The following DOCK3 variants were observed in gnomAD, a reference collection of about 807,000 sequenced individuals.
DOCK3 encodes dedicator of cytokinesis protein 3.
In DOCK3, 60 loss-of-function variants were observed where a neutral mutation model predicts 265.6. The observed-to-expected ratio is 0.23, with a 90% CI of 0.18 to 0.28. The LOEUF is 0.28. Among genes scored for constraint, DOCK3 ranks in the 10% least tolerant of loss-of-function variants. The pLI is 1.00. For missense variants in DOCK3, 1,981 were observed against 2,594.3 expected (o/e 0.76, Z 5.14); for synonymous variants, 881 against 938.0 (o/e 0.94, Z 1.11).
intron 5 of DOCK3, among the ~76,000 whole-genome samples, chr3:51,006,781 A>G (rs1176947092): frequency 6.6e-6 from 1 of 151,816 alleles, no homozygotes; most frequent in Non-Finnish European, 1.5e-5. Flanking sequence ...TGCTCCCCCT[A>G]CCCCACAACA....
chr3:51,175,554 A>G (rs954516495), intron 12 of DOCK3, among the ~76,000 whole-genome samples: 9 of 152,124 alleles, frequency 5.9e-5, no homozygotes, highest in Non-Finnish European at 1.0e-4. Flanking sequence ...ATCTTCAGTC[A>G]GACTGAGGTC....
chr3:50,826,980 A>G (rs764103322), intron 2 of DOCK3, among the ~76,000 whole-genome samples: 7 of 152,242 alleles, frequency 4.6e-5, no homozygotes, highest in African/African-American at 9.6e-5. Context: ...ATTTTCCAGA[A>G]TGTAAGGAGA....
intron 1 of DOCK3, among the ~76,000 whole-genome samples, chr3:50,732,511 C>A (rs1198579480): frequency 6.6e-6 from 1 of 152,054 alleles, no homozygotes; most frequent in Non-Finnish European, 1.5e-5. Context: ...CTCAAGAGAT[C>A]CTCCTGCCTC....
chr3:51,317,621 A>AATG (rs1560423902), intron 32 of DOCK3, among the ~76,000 whole-genome samples: 1 of 145,436 alleles, frequency 6.9e-6, no homozygotes, highest in Non-Finnish European at 1.5e-5. Flanking sequence ...TAATAATAAT[A>AATG]ATGTATATTT....
intron 2 of DOCK3, among the ~76,000 whole-genome samples, chr3:50,793,638 G>A (rs1325521716): frequency 1.3e-5 from 2 of 152,030 alleles, no homozygotes; most frequent in African/African-American, 4.8e-5. Context: ...GATTACAGGC[G>A]TGAGCCACCT....
intron 5 of DOCK3, among the ~76,000 whole-genome samples, chr3:50,985,886 CGACA>C (rs1559901381): frequency 6.6e-6 from 1 of 151,688 alleles, no homozygotes. Flanking sequence ...TGTCTCTGTA[CGACA>C]GCCATGTGAC....
chr3:50,788,227 G>A, intron 2 of DOCK3: 1 of 741,764 alleles, frequency 1.3e-6, no homozygotes, highest in Non-Finnish European at 2.0e-6. Flanking sequence ...TGCCATTCCT[G>A]CTACAGGCAC....
At chr3:50,744,845 T>C (rs1385563372) in intron 1 of DOCK3, among the ~76,000 whole-genome samples, 2 of 152,234 alleles carry the variant, frequency 1.3e-5, no homozygotes, top group Non-Finnish European at 2.9e-5. Flanking sequence ...CCTTTCCCCA[T>C]TTAATGGTCT....
intron 5 of DOCK3, among the ~76,000 whole-genome samples, chr3:51,024,328 A>T (rs1332943981): frequency 1.3e-5 from 2 of 152,098 alleles, no homozygotes; most frequent in Non-Finnish European, 2.9e-5. Context: ...TTTTTTCCCC[A>T]GTATTTTATT....
intron 5 of DOCK3, among the ~76,000 whole-genome samples, chr3:50,961,342 T>C (rs1454482358): frequency 6.6e-6 from 1 of 152,116 alleles, no homozygotes; most frequent in East Asian, 1.9e-4. Flanking sequence ...TGGTAAAATA[T>C]CAAATGAGGA....
At chr3:50,857,887 A>G (rs1001443605) in intron 3 of DOCK3, among the ~76,000 whole-genome samples, 1 of 152,244 alleles carries the variant, frequency 6.6e-6, no homozygotes, top group African/African-American at 2.4e-5. Context: ...TCAAGGATCT[A>G]GAACTAGAAA....
chr3:51,006,829 C>T (rs779819468), intron 5 of DOCK3, among the ~76,000 whole-genome samples: 55 of 152,082 alleles, frequency 3.6e-4, no homozygotes, highest in African/African-American at 1.2e-3. Context: ...TGCATCCAGG[C>T]GTGCTCATTG....
At chr3:50,691,424 C>G (rs1335091750) in intron 1 of DOCK3, among the ~76,000 whole-genome samples, 4 of 152,220 alleles carry the variant, frequency 2.6e-5, no homozygotes, top group Admixed American at 2.6e-4. Flanking sequence ...AATGATGTTT[C>G]AGTGTATGGG....
rs1553745784 is a variant in DOCK3, at chr3:51,053,076, A to AAGAT, written c.316-11370_316-11367dup. On this transcript the variant is annotated intron_variant, in intron 5 of 52. Coordinates refer to ENST00000266037, the MANE Select transcript of DOCK3 (RefSeq NM_004947.5). ...TCAGTTTCATCTTTTAAAAAAGTCAAAGATATATATATATATATATATATA... is the reference window on the plus strand; with the variant it reads ...TCAGTTTCATCTTTTAAAAAAGTCAAAGATAGATATATATATATATATATATATA... 7.1e-3 allele frequency among the ~76,000 whole-genome samples: 246 copies of AAGAT among 34,504 alleles called. 8 individuals are homozygous for AAGAT. The highest frequency in any genetic ancestry group is 0.019 in the Middle Eastern group (1 of 54). The allele number at this position is 34,504 out of a possible 152,430, so 22.6% of individuals were successfully genotyped here.
At chr3:51,313,751 C>T (rs1436375139) in intron 31 of DOCK3, among the ~76,000 whole-genome samples, 1 of 152,182 alleles carries the variant, frequency 6.6e-6, no homozygotes, top group Admixed American at 6.5e-5. Flanking sequence ...AGTATTTCTG[C>T]CGGCGAGAGG....
At chr3:51,043,521 C>T (rs920697358) in intron 5 of DOCK3, among the ~76,000 whole-genome samples, 1 of 152,012 alleles carries the variant, frequency 6.6e-6, no homozygotes, top group Non-Finnish European at 1.5e-5. Flanking sequence ...AGAATATAGG[C>T]ACAGGCAAAG....
chr3:50,770,701 T>C (rs1478344727), intron 1 of DOCK3, among the ~76,000 whole-genome samples: 1 of 152,054 alleles, frequency 6.6e-6, no homozygotes, highest in Non-Finnish European at 1.5e-5. Context: ...ATGCTACATA[T>C]AGACGCATAG....
At chr3:50,880,291 G>A (rs1276276981) in intron 3 of DOCK3, among the ~76,000 whole-genome samples, 3 of 152,070 alleles carry the variant, frequency 2.0e-5, no homozygotes, top group African/African-American at 7.2e-5. Context: ...CAGAACTGAA[G>A]GAGATAGAGA....
intron 5 of DOCK3, among the ~76,000 whole-genome samples, chr3:51,017,999 T>C (rs1164509682): frequency 6.6e-6 from 1 of 151,692 alleles, no homozygotes; most frequent in African/African-American, 2.4e-5. Flanking sequence ...TTCAAGCGAT[T>C]CTCCTACCTC....
Sources: allele counts gnomAD v4.1 joint callset (sites outside exome capture counted in the v4.1 genomes callset), GRCh38; gene constraint gnomAD v4.1.1; transcripts MANE v1.5; gene names NCBI Gene and HGNC (gene_info 2026-07-23, HGNC 2026-07-21).